The following PDE1C variants were observed in gnomAD, a reference collection of about 807,000 sequenced individuals.
The protein encoded by PDE1C is dual specificity calcium/calmodulin-dependent 3',5'-cyclic nucleotide phosphodiesterase 1C.
In PDE1C, 62 loss-of-function variants were observed where a neutral mutation model predicts 93.1. The ratio of observed to expected loss-of-function variants is 0.67; its 90% CI spans 0.54 to 0.82. PDE1C has a LOEUF of 0.82. Ranked by LOEUF, PDE1C falls within the 40% of genes least tolerant of loss-of-function variation. The pLI, the probability that PDE1C is intolerant of heterozygous loss-of-function variation, is 0.00. For missense variants in PDE1C, 742 were observed against 884.6 expected (o/e 0.84, Z 2.04); for synonymous variants, 325 against 310.1 (o/e 1.05, Z -0.50).
chr7:32,205,290 C>T (rs150496373), intron 2 of PDE1C, among the ~76,000 whole-genome samples: 39 of 152,324 alleles, frequency 2.6e-4, no homozygotes, highest in African/African-American at 9.4e-4. Flanking sequence ...AACATTCACC[C>T]TTGCATGTGA....
At chr7:31,682,542 G>A in the PDE1C span, among the ~76,000 whole-genome samples, 5 of 152,124 alleles carry the variant, frequency 3.3e-5, no homozygotes, top group African/African-American at 1.2e-4. Context: ...AAATGGCCAG[G>A]CCGCTCTGAA....
chr7:31,657,514 T>G, the PDE1C span, among the ~76,000 whole-genome samples: 2 of 152,226 alleles, frequency 1.3e-5, no homozygotes, highest in Non-Finnish European at 2.9e-5. Flanking sequence ...TACAAGGAGA[T>G]GAGTTCCACC....
chr7:31,877,267 T>C (rs894565147), intron 5 of PDE1C, among the ~76,000 whole-genome samples: 4 of 152,164 alleles, frequency 2.6e-5, no homozygotes, highest in African/African-American at 9.7e-5. Context: ...CAGGAATGCA[T>C]CTGCTTTGGG....
downstream of PDE1C, among the ~76,000 whole-genome samples, chr7:31,748,005 C>T (rs73686939): frequency 0.018 from 2,569 of 141,602 alleles, 86 homozygotes; most frequent in African/African-American, 0.061. Flanking sequence ...GTCAGTCTTA[C>T]AAAGGCAGTT....
intron 2 of PDE1C, among the ~76,000 whole-genome samples, chr7:31,901,751 C>T (rs1209862689): frequency 6.6e-6 from 1 of 151,466 alleles, no homozygotes; most frequent in Non-Finnish European, 1.5e-5. Flanking sequence ...CAATACAGCA[C>T]TATTGTCAAT....
intron 1 of PDE1C, among the ~76,000 whole-genome samples, chr7:32,067,043 G>A (rs146849522): frequency 3.9e-5 from 6 of 152,294 alleles, no homozygotes; most frequent in Non-Finnish European, 7.4e-5. Context: ...GCCTCTGAGC[G>A]TTAGTGTGCA....
At chr7:32,270,976 G>GAA (rs544647046) in intron 1 of PDE1C, among the ~76,000 whole-genome samples, 2 of 144,606 alleles carry the variant, frequency 1.4e-5, no homozygotes, top group Non-Finnish European at 3.1e-5. Flanking sequence ...ACTAAAAAAA[G>GAA]AAAAAAAAAA....
chr7:32,111,101 C>T (rs1397803784), intron 3 of PDE1C, among the ~76,000 whole-genome samples: 3 of 152,128 alleles, frequency 2.0e-5, no homozygotes, highest in Admixed American at 1.3e-4. Context: ...TTAAAAGACT[C>T]GGGTCTTCCT....
At chr7:31,887,290 A>C (rs1486803892) in intron 2 of PDE1C, among the ~76,000 whole-genome samples, 1 of 152,242 alleles carries the variant, frequency 6.6e-6, no homozygotes, top group Non-Finnish European at 1.5e-5. Context: ...AACCAAAAAC[A>C]AGAACAGTGC....
chr7:31,841,225 C>CTATATATATATATA (rs1245444243), intron 9 of PDE1C, among the ~76,000 whole-genome samples: 22 of 89,638 alleles, frequency 2.5e-4, no homozygotes, highest in East Asian at 4.3e-4. Flanking sequence ...CTCTCTCTCT[C>CTATATATATATATA]TCTATATATA....
chr7:31,620,136 C>T, the PDE1C span, among the ~76,000 whole-genome samples: 4 of 152,168 alleles, frequency 2.6e-5, no homozygotes, highest in African/African-American at 4.8e-5. Context: ...CACCACAGCT[C>T]AAGGAGGCCT....
chr7:31,793,301 G>A (rs1784791971), intron 16 of PDE1C, among the ~76,000 whole-genome samples: 1 of 152,050 alleles, frequency 6.6e-6, no homozygotes, highest in African/African-American at 2.4e-5. Flanking sequence ...CACAAATGGA[G>A]TGTCAATGAG....
chr7:31,989,059 T>C (rs192842378), intron 2 of PDE1C, among the ~76,000 whole-genome samples: 830 of 70,966 alleles, frequency 0.012, 3 homozygotes, highest in Middle Eastern at 0.022. Context: ...AGAGAAAAAA[T>C]AGAGAAGAAA....
Position 31,818,361 on chromosome 7 carries a change from A to T in PDE1C, c.1583-2207T>A, listed in dbSNP as rs150586705. ...AAAAGGTTCCCTGGAATGTTCACTC[A>T]GGCTTTATCTCTTCCTTCTTCAGTG... On this transcript the variant is annotated intron_variant, in intron 14 of 17. Transcript: ENST00000396191. Among the ~76,000 whole-genome samples the T allele has an allele frequency of 5.1e-3, 773 of 152,276 alleles. 4 individuals carry two copies. The highest frequency in any genetic ancestry group is 0.018 in the African/African-American group (737 of 41,572).
Position 32,057,880 on chromosome 7 carries a change from G to A in PDE1C, c.102-6300C>T, listed in dbSNP as rs190932065. On this transcript the variant is annotated intron_variant, in intron 1 of 17. Coordinates refer to ENST00000396191, the MANE Select transcript of PDE1C (RefSeq NM_001191057.4). ...GATGATTTGGAAATTGTTTCTAATAGCCTGGATAAGTGAGAGTCGATTAAA... is the reference window on the plus strand; with the variant it reads ...GATGATTTGGAAATTGTTTCTAATAACCTGGATAAGTGAGAGTCGATTAAA... Among the ~76,000 whole-genome samples, 176 of 152,300 alleles carry A rather than the reference G, an allele frequency of 1.2e-3. 1 individual carries two copies. The highest frequency in any genetic ancestry group is 3.7e-3 in the Admixed American group (57 of 15,312).
intron 1 of PDE1C, among the ~76,000 whole-genome samples, chr7:32,393,635 G>T (rs1784790688): frequency 6.6e-6 from 1 of 152,138 alleles, no homozygotes; most frequent in African/African-American, 2.4e-5. Context: ...CAGAAAATAT[G>T]CTGCCTTCAA....
At chr7:31,777,297 C>T (rs1428833841) in intron 16 of PDE1C, among the ~76,000 whole-genome samples, 2 of 151,998 alleles carry the variant, frequency 1.3e-5, no homozygotes, top group African/African-American at 2.4e-5. Context: ...GAGACATGCA[C>T]TTTGGATGAC....
chr7:31,714,783 C>A, the PDE1C span, among the ~76,000 whole-genome samples: 1 of 152,208 alleles, frequency 6.6e-6, no homozygotes, highest in Non-Finnish European at 1.5e-5. Context: ...ATCACAAGAA[C>A]AGCATGGGAA....
chr7:31,729,084 T>A, the PDE1C span, among the ~76,000 whole-genome samples: 7 of 152,220 alleles, frequency 4.6e-5, no homozygotes, highest in Non-Finnish European at 8.8e-5. Context: ...CAGAAAAATA[T>A]AAATGATAAA....
Sources: gnomAD v4.1 joint callset for allele counts (sites outside exome capture counted in the v4.1 genomes callset) on GRCh38, gnomAD v4.1.1 for gene constraint, MANE v1.5 for transcripts, NCBI Gene and HGNC (gene_info 2026-07-23, HGNC 2026-07-21) for gene names.